The following ADAMTS6 variants were observed in gnomAD, a reference collection of about 807,000 sequenced individuals.
The protein encoded by ADAMTS6 is A disintegrin and metalloproteinase with thrombospondin motifs 6.
Under a neutral mutation model 144.3 loss-of-function variants are expected in ADAMTS6, and 23 were observed. The observed-to-expected ratio is 0.16, with a 90% CI of 0.11 to 0.23. ADAMTS6 has a LOEUF of 0.23. ADAMTS6 is among the 10% of genes least tolerant of loss of function. ADAMTS6 has a pLI of 1.00. For synonymous variants in ADAMTS6, 444 were observed against 457.5 expected, an observed-to-expected ratio of 0.97 and a Z score of 0.38; for missense variants, 999 against 1,379.6, an observed-to-expected ratio of 0.72 and a Z score of 4.37.
chr5:65,321,264 TC>T (rs1215486496), intron 9 of ADAMTS6, among the ~76,000 whole-genome samples: 3 of 152,218 alleles, frequency 2.0e-5, no homozygotes, highest in Non-Finnish European at 4.4e-5. Flanking sequence ...AGGTGTTATC[TC>T]ACTGTGGTTT....
intron 14 of ADAMTS6, among the ~76,000 whole-genome samples, chr5:65,258,106 A>G (rs770691374): frequency 4.6e-5 from 7 of 152,310 alleles, no homozygotes; most frequent in Non-Finnish European, 8.8e-5. Context: ...CAAATCAACT[A>G]TATAGGTGAT....
chr5:65,196,522 C>CA (rs533444182), intron 21 of ADAMTS6, among the ~76,000 whole-genome samples: 841 of 38,006 alleles, frequency 0.022, 177 homozygotes, highest in African/African-American at 0.04. Context: ...GACTCCGTCT[C>CA]AAAAAAAAAA....
At chr5:65,269,630 A>C (rs533997166) in intron 12 of ADAMTS6, among the ~76,000 whole-genome samples, 39 of 152,254 alleles carry the variant, frequency 2.6e-4, no homozygotes, top group African/African-American at 9.4e-4. Flanking sequence ...AATGTCAGCT[A>C]TGCCATTAAA....
At chr5:65,298,458 T>C (rs1188749914) in intron 10 of ADAMTS6, among the ~76,000 whole-genome samples, 3 of 152,184 alleles carry the variant, frequency 2.0e-5, no homozygotes, top group Non-Finnish European at 4.4e-5. Context: ...ATTCCAGATC[T>C]GACTTGATGT....
At chr5:65,424,978 T>C (rs1009828501) in intron 7 of ADAMTS6, among the ~76,000 whole-genome samples, 2 of 152,056 alleles carry the variant, frequency 1.3e-5, no homozygotes, top group African/African-American at 4.8e-5. Flanking sequence ...CCTAGTGATA[T>C]ACACAGATTT....
intron 9 of ADAMTS6, among the ~76,000 whole-genome samples, chr5:65,310,305 T>G (rs955111383): frequency 2.6e-5 from 4 of 152,160 alleles, no homozygotes; most frequent in African/African-American, 9.7e-5. Flanking sequence ...CTCAGGTATT[T>G]CTTTACAGAA....
intron 24 of ADAMTS6, among the ~76,000 whole-genome samples, chr5:65,170,277 A>T (rs1753534020): frequency 6.6e-6 from 1 of 152,236 alleles, no homozygotes; most frequent in African/African-American, 2.4e-5. Context: ...AGAAGTTTGC[A>T]CTTCAAGAGT....
At chr5:65,224,536 C>T in intron 17 of ADAMTS6, 136 bp from the exon 18 acceptor site, 1 of 733,750 alleles carries the variant, frequency 1.4e-6, no homozygotes, top group Non-Finnish European at 2.3e-6. Flanking sequence ...GAAATATGGG[C>T]AAATTACCCT....
At chr5:65,370,443 A>T (rs7722316) in intron 7 of ADAMTS6, among the ~76,000 whole-genome samples, 17 of 152,116 alleles carry the variant, frequency 1.1e-4, no homozygotes, top group Non-Finnish European at 2.2e-4. Flanking sequence ...CGAAGCAGGG[A>T]GAGGCATTGC....
intron 17 of ADAMTS6, 27 bp downstream of exon 17, chr5:65,224,897 G>A (rs781056817): frequency 7.5e-6 from 12 of 1,595,262 alleles, no homozygotes; most frequent in Middle Eastern, 1.7e-4. Flanking sequence ...CCAGAGGTGT[G>A]AGGAAGAGTT....
At chr5:65,418,389 C>T (rs1174832444) in intron 7 of ADAMTS6, among the ~76,000 whole-genome samples, 1 of 151,034 alleles carries the variant, frequency 6.6e-6, no homozygotes, top group African/African-American at 2.5e-5. Flanking sequence ...AACTAATGAG[C>T]TTTCAAACAA....
At chr5:65,226,346 G>C in intron 15 of ADAMTS6, 127 bp from the exon 16 acceptor site, 1 of 953,026 alleles carries the variant, frequency 1.0e-6, no homozygotes, top group Non-Finnish European at 1.4e-6. Context: ...TGATTGTGTA[G>C]GTTTCTTTCC....
intron 7 of ADAMTS6, among the ~76,000 whole-genome samples, chr5:65,398,830 AAG>A (rs1271019460): frequency 1.4e-4 from 20 of 146,270 alleles, no homozygotes; most frequent in African/African-American, 2.1e-4. Flanking sequence ...GAAAGAAAGA[AAG>A]AAAGAAAGAA....
At chr5:65,394,542 GT>G (rs1438837380) in intron 7 of ADAMTS6, among the ~76,000 whole-genome samples, 1 of 152,196 alleles carries the variant, frequency 6.6e-6, no homozygotes, top group African/African-American at 2.4e-5. Context: ...ATTCCAGATA[GT>G]GAATAATGAA....
chr5:65,466,100 A>G (rs985288919), intron 3 of ADAMTS6, among the ~76,000 whole-genome samples: 8 of 152,148 alleles, frequency 5.3e-5, no homozygotes, highest in African/African-American at 1.9e-4. Context: ...CAGCTTTTTC[A>G]TCTCAGTTAA....
At chr5:65,175,754 C>T (rs1753937906) in intron 22 of ADAMTS6, among the ~76,000 whole-genome samples, 1 of 151,532 alleles carries the variant, frequency 6.6e-6, no homozygotes, top group Admixed American at 6.6e-5. Flanking sequence ...ATTCCCTTAA[C>T]CCAGCAGGTT....
At chr5:65,433,824 T>C (rs900051748) in intron 7 of ADAMTS6, among the ~76,000 whole-genome samples, 1 of 152,176 alleles carries the variant, frequency 6.6e-6, no homozygotes, top group South Asian at 2.1e-4. Flanking sequence ...TGTAAAATAG[T>C]GCAGCCACTT....
At chr5:65,465,341 A>G (rs1759918383) in intron 3 of ADAMTS6, among the ~76,000 whole-genome samples, 1 of 152,166 alleles carries the variant, frequency 6.6e-6, no homozygotes, top group African/African-American at 2.4e-5. Flanking sequence ...TTTCCCTATT[A>G]TTATGGATGA....
chr5:65,314,809 G>A (rs1744835055), intron 9 of ADAMTS6, among the ~76,000 whole-genome samples: 2 of 152,054 alleles, frequency 1.3e-5, no homozygotes, highest in South Asian at 2.1e-4. Context: ...ATTCATTATC[G>A]GCAGACCTGC....
Sources: allele counts gnomAD v4.1 joint callset (sites outside exome capture counted in the v4.1 genomes callset), GRCh38; gene constraint gnomAD v4.1.1; transcripts MANE v1.5; gene names NCBI Gene and HGNC (gene_info 2026-07-23, HGNC 2026-07-21).